ELOVL6: variants seen among roughly 807,000 people sequenced by gnomAD.
ELOVL6 encodes ELOVL fatty acid elongase 6.
ELOVL6 carries 8 observed loss-of-function variants against 31.7 expected under a neutral mutation model. The observed-to-expected ratio is 0.25, with a 90% CI of 0.15 to 0.45. The LOEUF (loss-of-function observed/expected upper bound fraction) is 0.45. Among genes scored for constraint, ELOVL6 ranks in the 20% least tolerant of loss-of-function variants. The pLI is 1.00. For synonymous variants in ELOVL6, 101 were observed against 117.7 expected (o/e 0.86, Z 0.92); for missense variants, 126 against 326.4 (o/e 0.39, Z 4.73).
At chr4:110,186,125 G>A (rs1759431025) in intron 1 of ELOVL6, among the ~76,000 whole-genome samples, 1 of 152,132 alleles carries the variant, frequency 6.6e-6, no homozygotes, top group Non-Finnish European at 1.5e-5. Flanking sequence ...GGGAAGCGGA[G>A]GTTGCAGTGG....
rs1758572023 is a variant in ELOVL6 at position 110,159,609 on chromosome 4, T to C, written c.89+38638A>G. Among the ~76,000 whole-genome samples, 3 of 152,332 alleles carry C rather than the reference T, an allele frequency of 2.0e-5. No homozygotes were observed. In the South Asian group the frequency reaches 6.2e-4, roughly 32 times the overall value. ...AAATGCATATACTTTCTAAAAATCA[T>C]ATTTTAAAAACTATCGTGCATCTTG... is the stretch of plus-strand genomic sequence containing the variant. On this transcript the variant is annotated intron_variant, in intron 1 of 3. Transcript: ENST00000302274.
chr4:110,198,305 A>G lies in ELOVL6; in HGVS notation c.31T>C (p.Tyr11His). MNMSVLTLQE[Y>H]EFEKQFNENE... ...TCGTTGAACTGCTTTTCGAATTCATATTCTTGTAAAGTCAACACTGACATG... is the reference window on the plus strand; with the variant it reads ...TCGTTGAACTGCTTTTCGAATTCATGTTCTTGTAAAGTCAACACTGACATG... Residue 11 changes from tyrosine to histidine, a missense_variant, in exon 1 of 4, where the codon TAT becomes CAT. Around this residue, in one of 3 missense-constraint regions of ELOVL6, gnomAD observed 16 missense variants for 22.8 expected, o/e 0.70. Coordinates refer to ENST00000302274, the MANE Select transcript of ELOVL6 (RefSeq NM_024090.3). The G allele has an allele frequency of 6.2e-7, 1 of 1,611,584 alleles. No homozygotes were observed. Among genetic ancestry groups the G allele is most frequent in the Non-Finnish European group, 8.5e-7 (1 of 1,177,744 alleles).
At chr4:110,074,808 A>G (rs1468291191) in intron 2 of ELOVL6, among the ~76,000 whole-genome samples, 1 of 152,208 alleles carries the variant, frequency 6.6e-6, no homozygotes, top group Non-Finnish European at 1.5e-5. Context: ...GGAAGTGGGT[A>G]AGCCCTGCGC....
intron 1 of ELOVL6, among the ~76,000 whole-genome samples, chr4:110,158,655 A>ATTTTTTTTTTT (rs1365076499): frequency 6.6e-5 from 5 of 76,188 alleles, no homozygotes; most frequent in Admixed American, 1.4e-4. Context: ...ATATATATAT[A>ATTTTTTTTTTT]TATTTTTTTT....
At chr4:110,127,174 C>T (rs1196674875) in intron 1 of ELOVL6, among the ~76,000 whole-genome samples, 3 of 151,872 alleles carry the variant, frequency 2.0e-5, no homozygotes, top group Admixed American at 1.3e-4. Flanking sequence ...TTTGGGAGGC[C>T]GAGATGGTTG....
intron 1 of ELOVL6, among the ~76,000 whole-genome samples, chr4:110,159,469 T>C (rs1367659274): frequency 6.8e-6 from 1 of 146,510 alleles, no homozygotes; most frequent in Non-Finnish European, 1.5e-5. Flanking sequence ...ACAGTTTTTC[T>C]TTTTTTTTTA....
Position 110,051,810 on chromosome 4 carries a change from A to T in ELOVL6, c.374-48T>A. 2 of 1,516,238 alleles carry T rather than the reference A, an allele frequency of 1.3e-6. No homozygotes were observed. The highest frequency in any genetic ancestry group is 1.8e-6 in the Non-Finnish European group (2 of 1,108,748). 93.9% of individuals were successfully genotyped at this position (1,516,238 alleles called of 1,614,324 possible). ...GTACGTGAGATCCTTGACCACCAGT[A>T]ACGATGACTTACAGTTTTGTAAGAG... On this transcript the variant is annotated intron_variant, in intron 3 of 3. Coordinates refer to ENST00000302274, the MANE Select transcript of ELOVL6 (RefSeq NM_024090.3). This position sits in a 1 kb window ranked among gnomAD's most constrained non-coding sequence, Gnocchi z 4.8.
intron 2 of ELOVL6, among the ~76,000 whole-genome samples, chr4:110,074,131 T>C (rs975814678): frequency 5.3e-5 from 8 of 152,082 alleles, no homozygotes; most frequent in Non-Finnish European, 8.8e-5. Flanking sequence ...GGGAGACTTG[T>C]CCCAGGAACT....
intron 1 of ELOVL6, among the ~76,000 whole-genome samples, chr4:110,179,168 T>G (rs2126276951): frequency 6.6e-6 from 1 of 152,278 alleles, no homozygotes; most frequent in Middle Eastern, 3.4e-3. Flanking sequence ...TACAATTTAA[T>G]TGACGAGACA....
intron 2 of ELOVL6, among the ~76,000 whole-genome samples, chr4:110,092,357 C>T (rs1756449839): frequency 6.6e-6 from 1 of 152,072 alleles, no homozygotes; most frequent in African/African-American, 2.4e-5. Context: ...TCATAAGAGG[C>T]CTGTAAGAAG....
At chr4:110,055,801 G>C (rs568338692) in intron 3 of ELOVL6, among the ~76,000 whole-genome samples, 12 of 152,238 alleles carry the variant, frequency 7.9e-5, no homozygotes, top group South Asian at 2.1e-4. Context: ...AAATCTCAGC[G>C]GGTTTTAATA....
chr4:110,158,249 G>A (rs1578267529), intron 1 of ELOVL6, among the ~76,000 whole-genome samples: 1 of 152,064 alleles, frequency 6.6e-6, no homozygotes, highest in East Asian at 1.9e-4. Context: ...CATCTCCACA[G>A]AAATAGATAA....
chr4:110,160,173 C>T (rs1228172897), intron 1 of ELOVL6, among the ~76,000 whole-genome samples: 2 of 152,078 alleles, frequency 1.3e-5, no homozygotes, highest in Admixed American at 1.3e-4. Flanking sequence ...TCTTGGAGAT[C>T]TTTCCATGAC....
chr4:110,083,740 T>C (rs866357147), intron 2 of ELOVL6, among the ~76,000 whole-genome samples: 9 of 150,962 alleles, frequency 6.0e-5, no homozygotes, highest in South Asian at 2.1e-4. Flanking sequence ...CTTAAAAATA[T>C]ATTGTGTCCC....
At chr4:110,084,216 AAC>A (rs1469247108) in intron 2 of ELOVL6, among the ~76,000 whole-genome samples, 4 of 76,752 alleles carry the variant, frequency 5.2e-5, no homozygotes, top group South Asian at 4.3e-4. Context: ...TATAACATAT[AAC>A]TTATATGATA....
chr4:110,139,934 C>G (rs1224139580), intron 1 of ELOVL6, among the ~76,000 whole-genome samples: 1 of 152,192 alleles, frequency 6.6e-6, no homozygotes, highest in East Asian at 1.9e-4. Context: ...ACCCCTTACA[C>G]TAGTCATTAA....
In ELOVL6 at chr4:110,050,117, G is replaced by A. The variant is rs1450741764; in HGVS notation, c.*1221C>T. 6.6e-6 allele frequency: 1 copy of A among 152,482 alleles called. No individual in the cohort carries two copies. Among genetic ancestry groups the A allele is most frequent in the Non-Finnish European group, 1.5e-5 (1 of 68,018 alleles). 9.4% of individuals were successfully genotyped at this position (152,482 alleles called of 1,614,324 possible). ...TTGCCTTGAAGTTTGTTGTAGTATTGCCACTCAGCCAGCAGAGGGCCCTTT... is the reference window on the plus strand; with the variant it reads ...TTGCCTTGAAGTTTGTTGTAGTATTACCACTCAGCCAGCAGAGGGCCCTTT... On this transcript the variant is annotated 3_prime_UTR_variant, in exon 4 of 4. Transcript: ENST00000302274.
intron 1 of ELOVL6, among the ~76,000 whole-genome samples, chr4:110,110,005 C>T (rs1756987793): frequency 6.6e-6 from 1 of 152,142 alleles, no homozygotes; most frequent in Non-Finnish European, 1.5e-5. Flanking sequence ...TACCTATCTA[C>T]CTAGTGCAGA....
intron 2 of ELOVL6, among the ~76,000 whole-genome samples, chr4:110,077,983 G>A (rs1454277079): frequency 2.0e-5 from 3 of 152,150 alleles, no homozygotes; most frequent in African/African-American, 7.2e-5. Context: ...GGAAGAAACG[G>A]TATCAGAGAT....
Sources: allele counts gnomAD v4.1 joint callset (sites outside exome capture counted in the v4.1 genomes callset), GRCh38; gene constraint gnomAD v4.1.1; regional missense constraint gnomAD v4.1.1; non-coding constraint Gnocchi (gnomAD v3.1); transcripts MANE v1.5; gene names NCBI Gene and HGNC (gene_info 2026-07-23, HGNC 2026-07-21).